Variants in TMF1 observed in about 807,000 individuals in gnomAD.
TMF1 encodes TATA element modulatory factor 1.
A neutral mutation model predicts 126.5 loss-of-function variants in TMF1; 71 were observed. That is an observed-to-expected ratio of 0.56 (90% CI 0.46 to 0.68). TMF1 has a LOEUF of 0.68. Among genes scored for constraint, TMF1 ranks in the 30% least tolerant of loss-of-function variants. The pLI, the probability that TMF1 is intolerant of heterozygous loss-of-function variation, is 0.00. For missense variants in TMF1, 1,259 were observed against 1,253.2 expected (o/e 1.00, Z -0.07); for synonymous variants, 461 against 430.5 (o/e 1.07, Z -0.88).
intron 6 of TMF1, 132 bp from the exon 7 acceptor site, chr3:69,039,141 G>A: frequency 1.1e-6 from 1 of 883,368 alleles, no homozygotes; most frequent in Non-Finnish European, 1.6e-6. Flanking sequence ...CTATTGCCCA[G>A]GGTGGAATGT....
intron 5 of TMF1, 84 bp downstream of exon 5, chr3:69,042,723 A>C: frequency 8.9e-7 from 1 of 1,122,914 alleles, no homozygotes; most frequent in Non-Finnish European, 1.3e-6. Flanking sequence ...AGTATTTTTA[A>C]TTAGGAAGCA....
chr3:69,031,910 C>A (rs758755983), intron 10 of TMF1, among the ~76,000 whole-genome samples: 3 of 152,130 alleles, frequency 2.0e-5, no homozygotes, highest in Non-Finnish European at 4.4e-5. Context: ...TCATTTATTG[C>A]TAAATATTTA....
intron 3 of TMF1, among the ~76,000 whole-genome samples, 195 bp downstream of exon 3, chr3:69,044,297 G>A (rs1303288113): frequency 6.6e-6 from 1 of 152,096 alleles, no homozygotes; most frequent in African/African-American, 2.4e-5. Context: ...TTTGCAAAAT[G>A]ACTCTCTTCA....
chr3:69,026,249 AAAC>A, intron 13 of TMF1, 152 bp from the exon 14 acceptor site: 1 of 528,628 alleles, frequency 1.9e-6, no homozygotes, highest in South Asian at 3.1e-5. Context: ...AGAAGAAAAA[AAAC>A]TTTTTTAAGA....
chr3:69,045,802 A>G (rs531013114), intron 2 of TMF1, among the ~76,000 whole-genome samples: 183 of 152,052 alleles, frequency 1.2e-3, no homozygotes, highest in African/African-American at 4.3e-3. Flanking sequence ...GTTCATGCTT[A>G]TAATCCCAGC....
At position 69,039,025 on chromosome 3, in the gene TMF1, A is replaced by G; in HGVS notation, c.1828-16T>C. On this transcript the variant is annotated splice_polypyrimidine_tract_variant and intron_variant, in intron 6 of 16. Transcript: ENST00000398559. Reference sequence around the variant, plus strand: ...CATCAAGGACCTATATGTTATAAAAACAGACAAAAGTATTTTTCAAGAAAT... The same window carrying G: ...CATCAAGGACCTATATGTTATAAAAGCAGACAAAAGTATTTTTCAAGAAAT... 5 of 1,504,962 alleles carry G rather than the reference A, an allele frequency of 3.3e-6. No homozygotes were observed. Among genetic ancestry groups the G allele is most frequent in the Non-Finnish European group, 4.4e-6 (5 of 1,123,596 alleles). The allele number at this position is 1,504,962 out of a possible 1,614,324, so 93.2% of individuals were successfully genotyped here.
intron 10 of TMF1, among the ~76,000 whole-genome samples, chr3:69,032,308 T>G (rs535427964): frequency 5.9e-5 from 9 of 152,182 alleles, no homozygotes; most frequent in African/African-American, 2.2e-4. Context: ...TGGAACAATA[T>G]AAGTGACTTG....
At chr3:69,040,964 T>C (rs2091861072) in intron 5 of TMF1, among the ~76,000 whole-genome samples, 1 of 151,550 alleles carries the variant, frequency 6.6e-6, no homozygotes, top group Non-Finnish European at 1.5e-5. Flanking sequence ...GGAAACAATA[T>C]ATAATACCCT....
chr3:69,037,337 A>T (rs1333470590), intron 8 of TMF1, among the ~76,000 whole-genome samples: 3 of 152,072 alleles, frequency 2.0e-5, no homozygotes. Flanking sequence ...TACTAAAAAT[A>T]CAAAAAAAAA....
rs762339314 is a variant in TMF1, at chr3:69,033,712, A to G, written c.2245-8T>C. 1 of 1,599,018 alleles carries G rather than the reference A, an allele frequency of 6.3e-7. No individual in the cohort carries two copies. Among genetic ancestry groups the G allele is most frequent in the Admixed American group, 1.8e-5 (1 of 56,512 alleles). ...CTCTGCTTCCTGGAGTCTCTGAATC[A>G]TGAAATTCTGAAGTCATTACCAATG... On this transcript the variant is annotated splice_region_variant and splice_polypyrimidine_tract_variant and intron_variant, in intron 9 of 16. Transcript: ENST00000398559.
chr3:69,042,612 A>C (rs1443897031), intron 5 of TMF1, 195 bp downstream of exon 5: 1 of 682,676 alleles, frequency 1.5e-6, no homozygotes, highest in Non-Finnish European at 2.7e-6. Context: ...CAAAAAACAA[A>C]AGCTAGAAAC....
At chr3:69,024,265 G>A in intron 15 of TMF1, 85 bp from the exon 16 acceptor site, 5 of 1,122,902 alleles carry the variant, frequency 4.5e-6, no homozygotes, top group Admixed American at 3.0e-5. Context: ...TAATGTGTGT[G>A]TGGTTTTTTT....
chr3:69,028,017 C>T, intron 12 of TMF1, 25 bp from the exon 13 acceptor site: 3 of 1,389,198 alleles, frequency 2.2e-6, no homozygotes, highest in South Asian at 1.2e-5. Context: ...TAAAGTTAGA[C>T]AATTTCTGTG....
rs1450356510 is a variant in TMF1, at chr3:69,021,121, C to G, written c.*2056G>C. ...AGATATTTTGAGAGAAAGAGACAGA[C>G]ATATCACATTTACATCACTTTTATT... On this transcript the variant is annotated 3_prime_UTR_variant, in exon 17 of 17. Coordinates refer to ENST00000398559, the MANE Select transcript of TMF1 (RefSeq NM_007114.3). 6.6e-6 allele frequency: 1 copy of G among 152,196 alleles called. No individual in the cohort carries two copies. The highest frequency in any genetic ancestry group is 1.5e-5 in the Non-Finnish European group (1 of 68,022). 9.4% of individuals were successfully genotyped at this position (152,196 alleles called of 1,614,324 possible).
Position 69,048,239 on chromosome 3 carries a change from A to C in TMF1, c.466T>G (p.Ser156Ala). ...ETTESQVKDS[S>A]LCVSGETLAA... ...AGAGTTTCCCCTGAAACACACAAAG[A>C]AGAGTCTTTTACTTGTGATTCAGTT... Residue 156 changes from serine (S) to alanine (A), a missense_variant, in exon 2 of 17, where the codon TCT becomes GCT. Physicochemically the swap from Ser to Ala is moderately conservative, Grantham distance 99. Transcript: ENST00000398559. The C allele has an allele frequency of 6.2e-7, 1 of 1,614,212 alleles. No homozygotes were observed. The highest frequency in any genetic ancestry group is 8.5e-7 in the Non-Finnish European group (1 of 1,180,040).
chr3:69,043,949 C>A, intron 3 of TMF1, 73 bp from the exon 4 acceptor site: 1 of 1,259,190 alleles, frequency 7.9e-7, no homozygotes, highest in Non-Finnish European at 1.1e-6. Context: ...GTTCAATTCT[C>A]AAAAGGAAGA....
At chr3:69,033,787 T>C (rs2091817797) in intron 9 of TMF1, 83 bp from the exon 10 acceptor site, 3 of 1,228,658 alleles carry the variant, frequency 2.4e-6, no homozygotes, top group Non-Finnish European at 3.4e-6. Context: ...TTTGAGAGGT[T>C]CCTGGAAAAT....
In TMF1 at chr3:69,029,688, G is replaced by A. The variant is rs1374940613; in HGVS notation, c.2594+127C>T. 3.4e-5 allele frequency: 28 copies of A among 826,022 alleles called. No homozygotes were observed. In the East Asian group the frequency reaches 4.2e-4, roughly 12 times the overall value. The allele number at this position is 826,022 out of a possible 1,614,324, so 51.2% of individuals were successfully genotyped here. On this transcript the variant is annotated intron_variant, in intron 11 of 16. Transcript: ENST00000398559. ...CCTCCTGACCTCAAGTGATCCGCCC[G>A]CCTTGGCCTCCCAATGTGCTGGGAT...
chr3:69,042,542 T>G (rs1034331178), intron 5 of TMF1: 10 of 569,472 alleles, frequency 1.8e-5, no homozygotes, highest in Non-Finnish European at 3.0e-5. Flanking sequence ...TGTTTAAAGT[T>G]TTCTTAGGGC....
Sources: allele counts gnomAD v4.1 joint callset (sites outside exome capture counted in the v4.1 genomes callset), GRCh38; gene constraint gnomAD v4.1.1; transcripts MANE v1.5; gene names NCBI Gene and HGNC (gene_info 2026-07-23, HGNC 2026-07-21).